The following SGCD variants were observed in gnomAD, a reference collection of about 807,000 sequenced individuals.
The protein encoded by SGCD is delta-sarcoglycan.
A neutral mutation model predicts 36.6 loss-of-function variants in SGCD; 18 were observed. That is an observed-to-expected ratio of 0.49 (90% CI 0.34 to 0.73). SGCD has a LOEUF of 0.73. Ranked by LOEUF, SGCD falls within the 30% of genes least tolerant of loss-of-function variation. The pLI, the probability that SGCD is intolerant of heterozygous loss-of-function variation, is 0.01. For missense variants in SGCD, 387 were observed against 346.7 expected, an observed-to-expected ratio of 1.12 and a Z score of -0.92; for synonymous variants, 133 against 130.6, an observed-to-expected ratio of 1.02 and a Z score of -0.12.
upstream of SGCD, among the ~76,000 whole-genome samples, chr5:156,324,757 T>C (rs1006123436): frequency 5.9e-5 from 9 of 152,198 alleles, no homozygotes; most frequent in African/African-American, 1.2e-4. Context: ...TTTTTTTTTT[T>C]CCCTGAAAAG....
At chr5:156,586,579 T>C (rs1443243250) in intron 4 of SGCD, among the ~76,000 whole-genome samples, 2 of 152,226 alleles carry the variant, frequency 1.3e-5, no homozygotes, top group Non-Finnish European at 2.9e-5. Flanking sequence ...ACCTCATTTA[T>C]CTGTTCATTT....
chr5:156,097,812 G>A (rs1761417207), intron 1 of SGCD, among the ~76,000 whole-genome samples: 1 of 152,148 alleles, frequency 6.6e-6, no homozygotes, highest in African/African-American at 2.4e-5. Context: ...TATCTGTTCT[G>A]TCAGGATACT....
At position 156,595,017 on chromosome 5, in the gene SGCD, A is replaced by C. The variant is rs767826496; in HGVS notation, c.468A>C (p.Glu156Asp). The C allele has an allele frequency of 6.2e-7, 1 of 1,612,074 alleles. No homozygotes were observed. Among genetic ancestry groups the C allele is most frequent in the South Asian group, 1.1e-5 (1 of 90,904 alleles). Residue 156 changes from glutamate to aspartate, a missense_variant, in exon 6 of 9, where the codon GAA becomes GAC. Coordinates refer to ENST00000337851, the MANE Select transcript of SGCD (RefSeq NM_000337.6). The stretch of plus-strand genomic sequence containing the variant: ...TGCTCTTCTCTGCAGACAATAATGA[A>C]GTGGTAGTAGGAGCTGAAAGATTAC... ...GKLLFSADNN[E>D]VVVGAERLRV... is the part of the protein sequence containing the mutation.
chr5:156,294,596 T>G (rs1766847497), intron 3 of SGCD, among the ~76,000 whole-genome samples: 1 of 152,204 alleles, frequency 6.6e-6, no homozygotes, highest in Non-Finnish European at 1.5e-5. Flanking sequence ...CTTTTACCAT[T>G]GAGTATGATA....
At chr5:156,013,626 G>A (rs918719483) in intron 1 of SGCD, among the ~76,000 whole-genome samples, 7 of 151,996 alleles carry the variant, frequency 4.6e-5, no homozygotes, top group African/African-American at 1.7e-4. Context: ...GGAATTCGTA[G>A]ACCATTATTA....
chr5:156,025,148 G>A lies in SGCD; in HGVS notation c.-281-92730G>A, dbSNP rs184920855. On this transcript the variant is annotated intron_variant, in intron 1 of 9. Coordinates refer to the SGCD transcript ENST00000517913. ...GGACTTTCCAGAGCAACTGGTTTCC[G>A]TGTGGTGATTTAGTGATCCTCATCA... 1.5e-3 allele frequency among the ~76,000 whole-genome samples: 231 copies of A among 152,180 alleles called. 1 individual carries two copies. Among genetic ancestry groups the A allele is most frequent in the Non-Finnish European group, 1.8e-3 (121 of 67,996 alleles).
intron 2 of SGCD, among the ~76,000 whole-genome samples, chr5:156,118,355 T>C (rs1761952981): frequency 6.6e-6 from 1 of 152,112 alleles, no homozygotes; most frequent in Non-Finnish European, 1.5e-5. Flanking sequence ...TGGCTAGGAA[T>C]GGGGACCACT....
At chr5:156,639,682 A>G (rs989452270) in intron 6 of SGCD, among the ~76,000 whole-genome samples, 8 of 152,132 alleles carry the variant, frequency 5.3e-5, no homozygotes, top group African/African-American at 1.9e-4. Context: ...TGTGTCTTCC[A>G]TGTTGCCAAA....
rs1423841696 is a variant in SGCD at position 156,062,014 on chromosome 5, G to T, written c.-281-55864G>T. On this transcript the variant is annotated intron_variant, in intron 1 of 9. Transcript: ENST00000517913. ...AGTTACATATGTATACATGTGCCAT[G>T]CTGGTGCGCTGCACCCACTAATGTG... 2.5e-5 allele frequency among the ~76,000 whole-genome samples: 2 copies of T among 79,782 alleles called. 1 individual carries two copies. Among genetic ancestry groups the T allele is most frequent in the African/African-American group, 1.7e-4 (2 of 11,750 alleles). 52.3% of individuals were successfully genotyped at this position (79,782 alleles called of 152,430 possible).
At chr5:156,028,422 T>A (rs1759270590) in intron 1 of SGCD, among the ~76,000 whole-genome samples, 1 of 152,176 alleles carries the variant, frequency 6.6e-6, no homozygotes, top group African/African-American at 2.4e-5. Flanking sequence ...ATTAGTCACT[T>A]TGTGAACTTG....
chr5:155,996,451 G>A (rs1228697454), intron 1 of SGCD, among the ~76,000 whole-genome samples: 2 of 152,056 alleles, frequency 1.3e-5, no homozygotes, highest in African/African-American at 4.8e-5. Flanking sequence ...TACTTAATAG[G>A]TTGATTGTTT....
intron 1 of SGCD, among the ~76,000 whole-genome samples, chr5:156,042,238 A>G (rs1318251167): frequency 6.6e-6 from 1 of 151,728 alleles, no homozygotes; most frequent in Non-Finnish European, 1.5e-5. Flanking sequence ...ACATTTTGAG[A>G]AGTATGTGTC....
intron 1 of SGCD, among the ~76,000 whole-genome samples, chr5:156,026,558 C>A (rs946005195): frequency 6.6e-6 from 1 of 152,152 alleles, no homozygotes; most frequent in African/African-American, 2.4e-5. Context: ...TATATGAAAG[C>A]ATTGTTTGAG....
chr5:156,130,553 A>T (rs948987628), intron 3 of SGCD, among the ~76,000 whole-genome samples: 1 of 152,096 alleles, frequency 6.6e-6, no homozygotes, highest in Non-Finnish European at 1.5e-5. Flanking sequence ...TTTGTCATGA[A>T]ATCTTTGCCC....
At chr5:156,178,576 T>C (rs1763526091) in intron 3 of SGCD, among the ~76,000 whole-genome samples, 1 of 152,214 alleles carries the variant, frequency 6.6e-6, no homozygotes, top group Non-Finnish European at 1.5e-5. Context: ...AGACAAATGA[T>C]AAATCTTACC....
the SGCD span, among the ~76,000 whole-genome samples, chr5:155,766,653 C>T: frequency 2.7e-5 from 4 of 150,662 alleles, no homozygotes; most frequent in East Asian, 3.9e-4. Context: ...GAATCTTGTC[C>T]GACCTACACA....
At chr5:156,350,729 C>A (rs1027561994) in intron 3 of SGCD, among the ~76,000 whole-genome samples, 1 of 152,088 alleles carries the variant, frequency 6.6e-6, no homozygotes, top group South Asian at 2.1e-4. Flanking sequence ...CACAAATAGA[C>A]CTTAGTTTAT....
At chr5:156,608,227 G>T (rs1241755627) in intron 6 of SGCD, among the ~76,000 whole-genome samples, 2 of 152,216 alleles carry the variant, frequency 1.3e-5, no homozygotes, top group East Asian at 1.9e-4. Context: ...GCATCCCAGA[G>T]ATTCTGGTAT....
At chr5:156,445,637 C>T (rs912045355) in intron 3 of SGCD, among the ~76,000 whole-genome samples, 1 of 152,112 alleles carries the variant, frequency 6.6e-6, no homozygotes, top group Non-Finnish European at 1.5e-5. Context: ...ACCTCTGTGA[C>T]CTTAGGAAAG....
Sources: gnomAD v4.1 joint callset for allele counts (sites outside exome capture counted in the v4.1 genomes callset) on GRCh38, gnomAD v4.1.1 for gene constraint, MANE v1.5 for transcripts, NCBI Gene and HGNC (gene_info 2026-07-23, HGNC 2026-07-21) for gene names.